COG5: variants seen among roughly 807,000 people sequenced by gnomAD.
The protein encoded by COG5 is conserved oligomeric Golgi complex subunit 5.
Under a neutral mutation model 110.4 loss-of-function variants are expected in COG5, and 86 were observed. The ratio of observed to expected loss-of-function variants is 0.78; its 90% CI spans 0.65 to 0.93. The LOEUF (loss-of-function observed/expected upper bound fraction) is 0.93. Among genes scored for constraint, COG5 ranks in the 40% least tolerant of loss-of-function variants. The pLI is 0.00. For synonymous variants in COG5, 360 were observed against 334.6 expected (o/e 1.08, Z -0.83); for missense variants, 1,077 against 987.0 (o/e 1.09, Z -1.22).
chr7:107,454,720 G>A (rs1795554876), intron 6 of COG5, among the ~76,000 whole-genome samples: 1 of 152,120 alleles, frequency 6.6e-6, no homozygotes, highest in Non-Finnish European at 1.5e-5. Flanking sequence ...GAGGAAAGGA[G>A]AGCTGCTGGT....
At chr7:107,301,902 G>C (rs575548480) in intron 11 of COG5, among the ~76,000 whole-genome samples, 49 of 152,202 alleles carry the variant, frequency 3.2e-4, no homozygotes, top group African/African-American at 1.2e-3. Flanking sequence ...TATTGGCAGG[G>C]ATAAACAAAC....
intron 6 of COG5, among the ~76,000 whole-genome samples, chr7:107,458,247 T>C (rs1047739100): frequency 1.3e-5 from 2 of 152,180 alleles, no homozygotes; most frequent in Non-Finnish European, 2.9e-5. Context: ...CAGTAAGTTC[T>C]TTAGGCTGAT....
rs757204685 is a variant in COG5, at chr7:107,236,625, C to T, written c.1916G>A (p.Gly639Asp). ...PCSLYMKELQ[G>D]FIARVMSDYF... ...GTCACTCATAACTCTGGCAATGAAA[C>T]CTTGTAGCTCCTTCATGTACAGAGA... Residue 639 changes from glycine (G) to aspartate (D), a missense_variant, in exon 18 of 22, where the codon GGT (glycine) becomes GAT (aspartate). Transcript: ENST00000297135. The T allele has an allele frequency of 6.2e-7, 1 of 1,614,096 alleles. No homozygotes were observed. Among genetic ancestry groups the T allele is most frequent in the Non-Finnish European group, 8.5e-7 (1 of 1,179,994 alleles).
At chr7:107,280,802 T>C (rs1408470651) in intron 14 of COG5, among the ~76,000 whole-genome samples, 1 of 151,944 alleles carries the variant, frequency 6.6e-6, no homozygotes, top group Non-Finnish European at 1.5e-5. Context: ...AATTCCCAGG[T>C]TCTAGGGTTG....
chr7:107,279,076 T>TA (rs1804942237), intron 14 of COG5, among the ~76,000 whole-genome samples: 2 of 151,906 alleles, frequency 1.3e-5, no homozygotes, highest in African/African-American at 2.4e-5. Flanking sequence ...ACAAAGAACT[T>TA]AAACAAATTT....
intron 16 of COG5, 121 bp from the exon 17 acceptor site, chr7:107,248,620 A>G (rs1802240417): frequency 2.9e-6 from 2 of 700,142 alleles, no homozygotes; most frequent in East Asian, 2.7e-5. Context: ...AATGCAGACT[A>G]AGTTAACAGA....
intron 14 of COG5, among the ~76,000 whole-genome samples, chr7:107,270,882 C>CTTTT (rs56971368): frequency 1.6e-4 from 11 of 68,726 alleles, no homozygotes; most frequent in African/African-American, 2.0e-4. Context: ...CTAACTAGAA[C>CTTTT]TTTTTTTTTT....
intron 1 of COG5, among the ~76,000 whole-genome samples, chr7:107,558,764 TG>T (rs925952627): frequency 6.6e-6 from 1 of 150,648 alleles, no homozygotes; most frequent in African/African-American, 2.4e-5. Flanking sequence ...GGTGGGCGCC[TG>T]TAGTCCCAGC....
In COG5 at chr7:107,210,585, T is replaced by C; in HGVS notation, c.2316A>G (p.Thr772=). 1.2e-6 allele frequency: 2 copies of C among 1,604,136 alleles called. No homozygotes were observed. Among genetic ancestry groups the C allele is most frequent in the Non-Finnish European group, 1.7e-6 (2 of 1,175,286 alleles). ...GGTCATCCAGCCACTGAGAGAAGCG[T>C]GTGTGGGACCACTCTGCCCTCTGCA... ...SPFQRAEWSH[T]RFSQWLDDHP... Residue 772 remains threonine (T), a synonymous_variant, in exon 21 of 22, where the codon ACA becomes ACG. Transcript: ENST00000297135.
At chr7:107,210,277 T>C (rs1421408711) in intron 21 of COG5, 1 of 1,387,942 alleles carries the variant, frequency 7.2e-7, no homozygotes, top group Non-Finnish European at 9.3e-7. Context: ...GTCCTTAGGG[T>C]TGCATGGGAC....
chr7:107,276,722 A>T (rs972604766), intron 14 of COG5, among the ~76,000 whole-genome samples: 3 of 152,208 alleles, frequency 2.0e-5, no homozygotes, highest in African/African-American at 7.2e-5. Flanking sequence ...GTCACATTTC[A>T]GACTATACAA....
At chr7:107,558,760 C>T (rs1472751262) in intron 1 of COG5, among the ~76,000 whole-genome samples, 3 of 146,464 alleles carry the variant, frequency 2.0e-5, no homozygotes, top group East Asian at 2.0e-4. Context: ...TGGTGGTGGG[C>T]GCCTGTAGTC....
rs578074961 is a variant in COG5, at chr7:107,511,476, G to A, written c.538+15761C>T. Among the ~76,000 whole-genome samples the A allele has an allele frequency of 5.6e-4, 86 of 152,274 alleles. 1 individual carries two copies. Among genetic ancestry groups the A allele is most frequent in the Admixed American group, 9.8e-4 (15 of 15,294 alleles). On this transcript the variant is annotated intron_variant, in intron 6 of 21. Transcript: ENST00000297135. ...AATTCTACCAGACGTACAAGGAGGAGCTGGTACCATTCCTTCTGAAACTAT... is the reference window on the plus strand; with the variant it reads ...AATTCTACCAGACGTACAAGGAGGAACTGGTACCATTCCTTCTGAAACTAT...
In COG5 at chr7:107,443,164, A is replaced by T. The variant is rs552978071; in HGVS notation, c.539-30532T>A. Among the ~76,000 whole-genome samples, 7 of 152,320 alleles carry T rather than the reference A, an allele frequency of 4.6e-5. No homozygotes were observed. In the East Asian group the frequency reaches 1.3e-3, roughly 29 times the overall value. The stretch of plus-strand genomic sequence containing the variant: ...GTGGTATATCCATACATGGTATATT[A>T]TCTGGCAATTACAAAGAATGAAGAA... On this transcript the variant is annotated intron_variant, in intron 6 of 21. Transcript: ENST00000297135.
intron 10 of COG5, among the ~76,000 whole-genome samples, chr7:107,338,808 T>C (rs570190437): frequency 7.9e-5 from 12 of 152,186 alleles, no homozygotes; most frequent in Admixed American, 2.0e-4. Context: ...TAGATTTTTC[T>C]CCAAAGATGA....
intron 6 of COG5, among the ~76,000 whole-genome samples, chr7:107,438,745 G>C (rs1584823538): frequency 6.6e-6 from 1 of 152,134 alleles, no homozygotes; most frequent in African/African-American, 2.4e-5. Context: ...TAAACTAGAG[G>C]CGATTTAAGT....
chr7:107,381,901 A>G (rs1267903342), intron 7 of COG5, among the ~76,000 whole-genome samples: 4 of 152,174 alleles, frequency 2.6e-5, no homozygotes, highest in African/African-American at 9.7e-5. Context: ...AGACTGGAGC[A>G]TGTTTGTTTC....
chr7:107,282,596 A>C (rs1805269303), intron 13 of COG5, among the ~76,000 whole-genome samples: 1 of 152,166 alleles, frequency 6.6e-6, no homozygotes, highest in Non-Finnish European at 1.5e-5. Flanking sequence ...ATGTCGGCTC[A>C]CTGCAGCCTT....
chr7:107,399,702 T>C (rs1281604163), intron 7 of COG5, among the ~76,000 whole-genome samples: 6 of 152,192 alleles, frequency 3.9e-5, no homozygotes, highest in Admixed American at 3.9e-4. Context: ...ATGCAAAATT[T>C]GATAGAAGAC....
Sources: allele counts gnomAD v4.1 joint callset (sites outside exome capture counted in the v4.1 genomes callset), GRCh38; gene constraint gnomAD v4.1.1; transcripts MANE v1.5; gene names NCBI Gene and HGNC (gene_info 2026-07-23, HGNC 2026-07-21).